The following IQGAP2 variants were observed in gnomAD, a reference collection of about 807,000 sequenced individuals.
IQGAP2 encodes ras GTPase-activating-like protein IQGAP2.
In IQGAP2, 173 loss-of-function variants were observed where a neutral mutation model predicts 201.3. That is an observed-to-expected ratio of 0.86 (90% CI 0.76 to 0.98). IQGAP2 has a LOEUF of 0.98. IQGAP2 is among the 50% of genes least tolerant of loss of function. IQGAP2 has a pLI of 0.00. For missense variants in IQGAP2, 1,687 were observed against 1,864.8 expected (o/e 0.90, Z 1.76); for synonymous variants, 675 against 673.9 (o/e 1.00, Z -0.03).
intron 1 of IQGAP2, among the ~76,000 whole-genome samples, chr5:76,408,027 A>G (rs1441828907): frequency 1.3e-5 from 2 of 152,186 alleles, no homozygotes; most frequent in Non-Finnish European, 2.9e-5. Context: ...GCTACTTGGG[A>G]GGCTGAGGCA....
chr5:76,562,370 T>G, intron 2 of IQGAP2, 26 bp from the exon 3 acceptor site: 1 of 1,569,652 alleles, frequency 6.4e-7, no homozygotes, highest in Non-Finnish European at 8.7e-7. Flanking sequence ...GGAATCACTT[T>G]AATATTTTTT....
intron 1 of IQGAP2, among the ~76,000 whole-genome samples, chr5:76,446,194 T>C (rs1753383884): frequency 6.6e-6 from 1 of 152,172 alleles, no homozygotes; most frequent in African/African-American, 2.4e-5. Context: ...TTATTTTGGG[T>C]GTATACCCAG....
chr5:76,510,223 C>T (rs183274639), intron 2 of IQGAP2, among the ~76,000 whole-genome samples: 200 of 152,274 alleles, frequency 1.3e-3, no homozygotes, highest in African/African-American at 4.6e-3. Flanking sequence ...TGGTCTCGAA[C>T]TCCTGACCTC....
intron 30 of IQGAP2, among the ~76,000 whole-genome samples, chr5:76,689,389 G>T (rs13168082): frequency 1.3e-5 from 2 of 152,000 alleles, no homozygotes; most frequent in Non-Finnish European, 2.9e-5. Context: ...CCATAATATA[G>T]AGGAGAGGGG....
intron 17 of IQGAP2, among the ~76,000 whole-genome samples, chr5:76,647,856 A>ACACAC (rs1752189298): frequency 8.2e-6 from 1 of 121,964 alleles, no homozygotes; most frequent in Non-Finnish European, 1.8e-5. Flanking sequence ...CACACAAACG[A>ACACAC]AAAAAACTGT....
intron 2 of IQGAP2, among the ~76,000 whole-genome samples, chr5:76,551,896 G>T (rs1220304545): frequency 7.0e-6 from 1 of 142,972 alleles, no homozygotes; most frequent in African/African-American, 2.6e-5. Flanking sequence ...AGGGGAGGGG[G>T]AGGGGAGGGG....
In IQGAP2 at chr5:76,617,708, A is replaced by G. The variant is rs1436024923; in HGVS notation, c.1521+6525A>G. 3.7e-6 allele frequency: 6 copies of G among 1,614,048 alleles called. No individual in the cohort carries two copies. In the East Asian group the frequency reaches 1.1e-4, roughly 30 times the overall value. On this transcript the variant is annotated intron_variant, in intron 13 of 35. Coordinates refer to ENST00000274364, the MANE Select transcript of IQGAP2 (RefSeq NM_006633.5). ...TGAGATATATAAAATATAAGCCATC[A>G]GTGTTGTTGTAGTAGTAGTTAGCAT...
At position 76,626,630 on chromosome 5, in the gene IQGAP2, ATGT is replaced by A. The variant is rs144478190; in HGVS notation, c.1522-772_1522-770del. 7.9e-3 allele frequency among the ~76,000 whole-genome samples: 1,206 copies of A among 151,994 alleles called. 17 individuals are homozygous for A. Among genetic ancestry groups the A allele is most frequent in the African/African-American group, 0.027 (1,133 of 41,454 alleles). ...TGTTAGGTCCTTGAGGACAATCACC[ATGT>A]TGTTGTTTGTTTTTAATTTTTGTCT... is the stretch of plus-strand genomic sequence containing the variant. On this transcript the variant is annotated intron_variant, in intron 13 of 35. Coordinates refer to ENST00000274364, the MANE Select transcript of IQGAP2 (RefSeq NM_006633.5).
intron 1 of IQGAP2, among the ~76,000 whole-genome samples, chr5:76,427,361 C>T (rs994760558): frequency 1.4e-4 from 21 of 152,022 alleles, no homozygotes; most frequent in African/African-American, 3.6e-4. Context: ...AGTGTTGTGA[C>T]GGTGGGTGGT....
intron 31 of IQGAP2, 30 bp downstream of exon 31, chr5:76,693,472 TAGAC>T: frequency 7.6e-7 from 1 of 1,319,584 alleles, no homozygotes; most frequent in Non-Finnish European, 1.1e-6. Flanking sequence ...AAAATAATAA[TAGAC>T]AGGTGTTGAT....
chr5:76,492,157 T>C (rs1313532066), intron 2 of IQGAP2, among the ~76,000 whole-genome samples: 1 of 152,208 alleles, frequency 6.6e-6, no homozygotes, highest in Non-Finnish European at 1.5e-5. Flanking sequence ...TTGAGATGCA[T>C]TTGGCCCCAG....
intron 9 of IQGAP2, among the ~76,000 whole-genome samples, chr5:76,594,683 T>A (rs1156768980): frequency 6.6e-6 from 1 of 152,166 alleles, no homozygotes; most frequent in Non-Finnish European, 1.5e-5. Flanking sequence ...TACGTAAGAA[T>A]CAGCTGGGTG....
intron 1 of IQGAP2, among the ~76,000 whole-genome samples, chr5:76,445,382 G>T (rs1489834878): frequency 1.3e-5 from 2 of 151,948 alleles, no homozygotes; most frequent in African/African-American, 4.8e-5. Flanking sequence ...GTTAATATTT[G>T]CAAAGAATTG....
chr5:76,528,796 A>G (rs1013738880), intron 2 of IQGAP2, among the ~76,000 whole-genome samples: 7 of 152,204 alleles, frequency 4.6e-5, no homozygotes, highest in African/African-American at 1.7e-4. Context: ...GACACCTTGC[A>G]AAGTTCTTGC....
At chr5:76,659,396 C>A (rs1238279452) in intron 21 of IQGAP2, among the ~76,000 whole-genome samples, 1 of 151,832 alleles carries the variant, frequency 6.6e-6, no homozygotes, top group Admixed American at 6.6e-5. Context: ...GAGGTGTAGA[C>A]CTCTTCACAG....
chr5:76,534,778 CT>C (rs1248371968), intron 2 of IQGAP2, among the ~76,000 whole-genome samples: 1 of 152,200 alleles, frequency 6.6e-6, no homozygotes, highest in Non-Finnish European at 1.5e-5. Context: ...CAGATCAAGG[CT>C]TATTATCCTT....
At chr5:76,612,036 G>A (rs1478626148) in intron 13 of IQGAP2, among the ~76,000 whole-genome samples, 2 of 152,156 alleles carry the variant, frequency 1.3e-5, no homozygotes, top group Non-Finnish European at 2.9e-5. Context: ...CATTTATTGA[G>A]AACCTACTAT....
chr5:76,702,613 C>T, intron 35 of IQGAP2, 23 bp downstream of exon 35: 1 of 1,085,674 alleles, frequency 9.2e-7, no homozygotes. Context: ...AATTTCTGCA[C>T]ATTGATGATA....
chr5:76,460,256 G>T (rs545583246), intron 1 of IQGAP2, among the ~76,000 whole-genome samples: 2 of 152,304 alleles, frequency 1.3e-5, no homozygotes, highest in Admixed American at 6.5e-5. Context: ...GATGTGAAAG[G>T]CACCACCTGC....
Sources: allele counts gnomAD v4.1 joint callset (sites outside exome capture counted in the v4.1 genomes callset), GRCh38; gene constraint gnomAD v4.1.1; transcripts MANE v1.5; gene names NCBI Gene and HGNC (gene_info 2026-07-23, HGNC 2026-07-21).